The following PDE6A variants were observed in gnomAD, a reference collection of about 807,000 sequenced individuals.
The protein encoded by PDE6A is rod cGMP-specific 3',5'-cyclic phosphodiesterase subunit alpha.
A neutral mutation model predicts 106.3 loss-of-function variants in PDE6A; 84 were observed. The observed-to-expected ratio is 0.79, with a 90% CI of 0.66 to 0.95. The LOEUF (loss-of-function observed/expected upper bound fraction) is 0.95, where lower values mean the gene tolerates loss of function less well. Among genes scored for constraint, PDE6A ranks in the 40% least tolerant of loss-of-function variants. PDE6A has a pLI of 0.00. For missense variants in PDE6A, 1,052 were observed against 1,084.9 expected (o/e 0.97, Z 0.43); for synonymous variants, 394 against 386.6 (o/e 1.02, Z -0.23).
At chr5:149,866,527 T>G in intron 19 of PDE6A, 89 of 403,616 alleles carry the variant, frequency 2.2e-4, no homozygotes, top group East Asian at 5.2e-4. Flanking sequence ...GTGGGAGGGA[T>G]GGCAGGGCCT....
intron 6 of PDE6A, among the ~76,000 whole-genome samples, chr5:149,914,631 G>T (rs1359311880): frequency 7.0e-6 from 1 of 141,876 alleles, no homozygotes; most frequent in African/African-American, 2.6e-5. Context: ...TGATAATGAA[G>T]TTCCTCTGCT....
rs969455241 is a variant in PDE6A, at chr5:149,863,499, A to G, written c.2359-233T>C. Among the ~76,000 whole-genome samples the G allele has an allele frequency of 3.3e-5, 5 of 152,078 alleles. No individual in the cohort carries two copies. Among genetic ancestry groups the G allele is most frequent in the African/African-American group, 4.8e-5 (2 of 41,410 alleles). On this transcript the variant is annotated intron_variant, in intron 20 of 21. Coordinates refer to ENST00000255266, the MANE Select transcript of PDE6A (RefSeq NM_000440.3). This position sits in a 1 kb window ranked among gnomAD's most constrained non-coding sequence, Gnocchi z 4.7. ...CAGCATGAAGTGAAAACCCCTTACT[A>G]TGGCTTTCAAACTCCATGACCCAGT... is the stretch of plus-strand genomic sequence containing the variant.
chr5:149,870,887 GAAAA>G (rs944178444), intron 17 of PDE6A, among the ~76,000 whole-genome samples: 3 of 140,552 alleles, frequency 2.1e-5, no homozygotes, highest in African/African-American at 2.6e-5. Flanking sequence ...GAGAAAGAAA[GAAAA>G]AGAAAGAAAG....
chr5:149,909,620 C>A (rs893993688), intron 6 of PDE6A, among the ~76,000 whole-genome samples: 1 of 152,198 alleles, frequency 6.6e-6, no homozygotes, highest in East Asian at 1.9e-4. Context: ...TCAGTTGAGA[C>A]CCTGACTGAT....
At chr5:149,889,081 C>CAAAAAAAAAAAAAAAAAAAAAAAA (rs568428704) in intron 13 of PDE6A, among the ~76,000 whole-genome samples, 20 of 61,536 alleles carry the variant, frequency 3.3e-4, no homozygotes, top group African/African-American at 8.5e-4. Context: ...GACTCTGTCT[C>CAAAAAAAAAAAAAAAAAAAAAAAA]AAAAAAAAAA....
At chr5:149,869,347 A>G in intron 17 of PDE6A, among the ~76,000 whole-genome samples, 1 of 151,702 alleles carries the variant, frequency 6.6e-6, no homozygotes, top group Admixed American at 6.6e-5. Flanking sequence ...AAAAAAAAAA[A>G]AGGAGTGGAA....
intron 10 of PDE6A, among the ~76,000 whole-genome samples, chr5:149,897,667 C>A (rs1005715354): frequency 6.6e-6 from 1 of 152,106 alleles, no homozygotes; most frequent in Non-Finnish European, 1.5e-5. Flanking sequence ...CAGCCTTTGA[C>A]CTCCATGGGC....
At chr5:149,901,010 G>T (rs564486901) in intron 8 of PDE6A, among the ~76,000 whole-genome samples, 14 of 152,118 alleles carry the variant, frequency 9.2e-5, no homozygotes, top group African/African-American at 2.9e-4. Context: ...CCGCTTCCTG[G>T]GTTCAAGCGA....
intron 1 of PDE6A, among the ~76,000 whole-genome samples, chr5:149,939,566 A>G (rs1754273264): frequency 6.6e-6 from 1 of 152,228 alleles, no homozygotes. Context: ...GTAATAAGGA[A>G]CGGGAGCTGC....
chr5:149,929,621 T>TAAAA (rs1753970116), intron 4 of PDE6A, among the ~76,000 whole-genome samples: 1 of 150,716 alleles, frequency 6.6e-6, no homozygotes, highest in African/African-American at 2.4e-5. Flanking sequence ...AATAAATAAA[T>TAAAA]AAATAAATAA....
chr5:149,929,048 G>T (rs1753949777), intron 4 of PDE6A, among the ~76,000 whole-genome samples: 1 of 152,092 alleles, frequency 6.6e-6, no homozygotes, highest in African/African-American at 2.4e-5. Flanking sequence ...GTATAAAATG[G>T]TACAATCATT....
rs375342200 is a variant in PDE6A, at chr5:149,898,506, A to T, written c.1264T>A (p.Ser422Thr). Reference protein sequence around the residue: ...FDEMDETLMESLTQFLGWSVL... With the variant: ...FDEMDETLMETLTQFLGWSVL... ...GACCAGCCCAGAAATTGAGTCAAAG[A>T]CTGAAAAAGAAAGAAAGGAGGAATC... Residue 422 changes from serine to threonine, a missense_variant and splice_region_variant, in exon 10 of 22, where the codon TCT becomes ACT. This residue lies in a region of PDE6A where 913 missense variants were observed against 915.2 expected (regional missense o/e 1.00). Coordinates refer to ENST00000255266, the MANE Select transcript of PDE6A (RefSeq NM_000440.3). The T allele has an allele frequency of 6.2e-7, 1 of 1,613,006 alleles. No individual in the cohort carries two copies.
At position 149,896,439 on chromosome 5, in the gene PDE6A, G is replaced by A. The variant is rs774550431; in HGVS notation, c.1537C>T (p.Leu513=). ...INKFHFSDLP[L]TELELVKCGI... is the part of the protein sequence containing the mutation. ...CATTTTACCAGCTCCAGTTCTGTTA[G>A]GGGTAAGTCACTGAAGTGAAATTTA... is the stretch of plus-strand genomic sequence containing the variant. Residue 513 remains leucine, a synonymous_variant, in exon 12 of 22, where the codon CTA becomes TTA. Transcript: ENST00000255266. 6.2e-7 allele frequency: 1 copy of A among 1,613,944 alleles called. No homozygotes were observed. Among genetic ancestry groups the A allele is most frequent in the Non-Finnish European group, 8.5e-7 (1 of 1,179,836 alleles).
chr5:149,871,083 C>A (rs1212356982), intron 17 of PDE6A, among the ~76,000 whole-genome samples: 1 of 152,146 alleles, frequency 6.6e-6, no homozygotes, highest in Non-Finnish European at 1.5e-5. Context: ...GAATGTTTGT[C>A]TCTTCCCAGT....
At chr5:149,912,453 T>C (rs767654690) in intron 6 of PDE6A, among the ~76,000 whole-genome samples, 3 of 152,236 alleles carry the variant, frequency 2.0e-5, no homozygotes, top group Non-Finnish European at 4.4e-5. Flanking sequence ...CTGCGTTTCC[T>C]AACCACTCAA....
At chr5:149,865,424 A>AT (rs1554085036) in intron 20 of PDE6A, among the ~76,000 whole-genome samples, 1 of 149,844 alleles carries the variant, frequency 6.7e-6, no homozygotes, top group Non-Finnish European at 1.5e-5. Context: ...AAAAAAAAAA[A>AT]CCAGCAAAAA....
In PDE6A at chr5:149,885,892, T is replaced by G. The variant is rs184075971; in HGVS notation, c.1838+373A>C. Among the ~76,000 whole-genome samples the G allele has an allele frequency of 2.0e-5, 3 of 152,352 alleles. No individual in the cohort carries two copies. The East Asian group carries it at 5.8e-4, about 29-fold the overall frequency. Reference sequence around the variant, plus strand: ...TTGCTTGTAGGCCATGCCTCCATCTTCAAAGCCAGCAGGGTAGCATCTTCT... The same window carrying G: ...TTGCTTGTAGGCCATGCCTCCATCTGCAAAGCCAGCAGGGTAGCATCTTCT... On this transcript the variant is annotated intron_variant, in intron 14 of 21. Coordinates refer to ENST00000255266, the MANE Select transcript of PDE6A (RefSeq NM_000440.3).
intron 7 of PDE6A, among the ~76,000 whole-genome samples, chr5:149,903,955 T>C (rs1235655475): frequency 6.6e-6 from 1 of 152,230 alleles, no homozygotes; most frequent in Non-Finnish European, 1.5e-5. Flanking sequence ...GGCTACAATT[T>C]GTCATTACTA....
At position 149,860,258 on chromosome 5, in the gene PDE6A, A is replaced by G. The variant is rs1448548908; in HGVS notation, c.*637T>C. The G allele has an allele frequency of 6.6e-6, 1 of 152,258 alleles. No individual in the cohort carries two copies. Among genetic ancestry groups the G allele is most frequent in the Non-Finnish European group, 1.5e-5 (1 of 68,056 alleles). 9.4% of individuals were successfully genotyped at this position (152,258 alleles called of 1,614,324 possible). A position where few individuals can be genotyped will look rare whatever the true frequency, so the allele number is the denominator to read the frequency against. On this transcript the variant is annotated 3_prime_UTR_variant, in exon 22 of 22. Transcript: ENST00000255266. ...AAAGAAAATGTAAAAAGGACAGACGAAATGCATGTAGCAAAATCTTGATAT... is the reference window on the plus strand; with the variant it reads ...AAAGAAAATGTAAAAAGGACAGACGGAATGCATGTAGCAAAATCTTGATAT...
Sources: gnomAD v4.1 joint callset for allele counts (sites outside exome capture counted in the v4.1 genomes callset) on GRCh38, gnomAD v4.1.1 for gene constraint, gnomAD v4.1.1 regional missense constraint, Gnocchi (gnomAD v3.1) non-coding constraint, MANE v1.5 for transcripts, NCBI Gene and HGNC (gene_info 2026-07-23, HGNC 2026-07-21) for gene names.